Variants in FREM1 observed in about 807,000 individuals in gnomAD.
The protein encoded by FREM1 is FRAS1 related extracellular matrix 1.
Under a neutral mutation model 210.1 loss-of-function variants are expected in FREM1, and 220 were observed. The ratio of observed to expected loss-of-function variants is 1.05; its 90% CI spans 0.94 to 1.17. The LOEUF (loss-of-function observed/expected upper bound fraction) is 1.17. Among genes scored for constraint, FREM1 ranks in the 50% most tolerant of loss-of-function variants. The pLI is 0.00. For synonymous variants in FREM1, 1,189 were observed against 980.2 expected, an observed-to-expected ratio of 1.21 and a Z score of -3.98; for missense variants, 3,454 against 2,675.5, an observed-to-expected ratio of 1.29 and a Z score of -6.42.
chr9:14,746,485 T>C lies in FREM1; in HGVS notation c.6139-17A>G, dbSNP rs1055678422. 1.0e-5 allele frequency: 16 copies of C among 1,581,780 alleles called. No homozygotes were observed. Among genetic ancestry groups the C allele is most frequent in the Non-Finnish European group, 1.4e-5 (16 of 1,150,674 alleles). On this transcript the variant is annotated splice_polypyrimidine_tract_variant and intron_variant, in intron 34 of 36. Transcript: ENST00000380880. ...TTCCACATCCTGAAAAACAGTTGTC[T>C]GTGTTCATATCATAATGGTCTTTAC...
At chr9:14,860,852 C>A (rs1164448363) in intron 3 of FREM1, among the ~76,000 whole-genome samples, 1 of 83,754 alleles carries the variant, frequency 1.2e-5, no homozygotes, top group Non-Finnish European at 2.0e-5. Flanking sequence ...TACATATATA[C>A]GTATATATAC....
chr9:14,738,117 A>G (rs1840734122), intron 36 of FREM1, among the ~76,000 whole-genome samples: 1 of 152,202 alleles, frequency 6.6e-6, no homozygotes, highest in African/African-American at 2.4e-5. Context: ...AAGATGTTTC[A>G]ATCTGCTACA....
intron 20 of FREM1, among the ~76,000 whole-genome samples, chr9:14,799,287 A>C (rs1196436763): frequency 7.0e-6 from 1 of 142,384 alleles, no homozygotes; most frequent in Non-Finnish European, 1.5e-5. Context: ...CCCTGTCTCC[A>C]AAAAAAAAAA....
At chr9:14,907,768 C>T (rs1046816044) in intron 1 of FREM1, among the ~76,000 whole-genome samples, 1 of 152,196 alleles carries the variant, frequency 6.6e-6, no homozygotes, top group Non-Finnish European at 1.5e-5. Context: ...AGAGTAAATG[C>T]TGAAAAGCTC....
chr9:14,806,866 CA>C lies in FREM1; in HGVS notation c.3089-21del. 2 of 1,511,542 alleles carry C rather than the reference CA, an allele frequency of 1.3e-6. No homozygotes were observed. The highest frequency in any genetic ancestry group is 1.8e-6 in the Non-Finnish European group (2 of 1,106,682). The allele number at this position is 1,511,542 out of a possible 1,614,324, so 93.6% of individuals were successfully genotyped here. A position where few individuals can be genotyped will look rare whatever the true frequency, so the allele number is the denominator to read the frequency against. On this transcript the variant is annotated intron_variant, in intron 17 of 36. Transcript: ENST00000380880. ...CGGGACCTGCATACAAATAAAAACA[CA>C]ATTACAACTTAGCATGAAATCCTCT...
chr9:14,762,574 A>C (rs1845689880), intron 27 of FREM1, among the ~76,000 whole-genome samples: 1 of 152,130 alleles, frequency 6.6e-6, no homozygotes, highest in South Asian at 2.1e-4. Context: ...TAACGTTTAT[A>C]GGTCAAGGTG....
rs200228317 is a variant in FREM1, at chr9:14,886,089, C to T, written c.-267-16845G>A. ...TTAGGTCTTACAAGTACCCTAAAGT[C>T]ATTTAAGAAATAAACTGCTGTGTGC... On this transcript the variant is annotated intron_variant, in intron 1 of 36. Transcript: ENST00000380880. 2.0e-5 allele frequency among the ~76,000 whole-genome samples: 3 copies of T among 152,184 alleles called. No homozygotes were observed. The East Asian group carries it at 5.8e-4, about 29-fold the overall frequency.
In FREM1 at chr9:14,848,739, C is replaced by G. The variant is rs1827131584; in HGVS notation, c.1187G>C (p.Arg396Thr). 1 of 1,612,804 alleles carries G rather than the reference C, an allele frequency of 6.2e-7. No homozygotes were observed. The highest frequency in any genetic ancestry group is 8.5e-7 in the Non-Finnish European group (1 of 1,179,072). The change falls in exon 7 of 37, where the codon AGG becomes ACG. Residue 396 changes from arginine to threonine, a missense_variant. Physicochemically the swap from Arg to Thr is moderately conservative, Grantham distance 71. Coordinates refer to ENST00000380880, the MANE Select transcript of FREM1 (RefSeq NM_001379081.2). ...GATGTGGACTGTCATAGGTGCACTC[C>G]TTTCAAAGAAGAAGTCGTATACCTC... ...ELEVYDFFFE[R>T]SAPMTVHISI...
chr9:14,742,622 C>A (rs1841772474), intron 35 of FREM1, among the ~76,000 whole-genome samples: 1 of 152,074 alleles, frequency 6.6e-6, no homozygotes, highest in Non-Finnish European at 1.5e-5. Flanking sequence ...CTGTAAAGGA[C>A]TTTCAGAAAT....
At chr9:14,787,775 C>T (rs1850643443) in intron 23 of FREM1, among the ~76,000 whole-genome samples, 1 of 152,108 alleles carries the variant, frequency 6.6e-6, no homozygotes, top group African/African-American at 2.4e-5. Flanking sequence ...GTTGTCTGCC[C>T]TAATATATTA....
chr9:14,797,484 T>C lies in FREM1; in HGVS notation c.3839+14A>G. On this transcript the variant is annotated intron_variant, in intron 21 of 36. Coordinates refer to ENST00000380880, the MANE Select transcript of FREM1 (RefSeq NM_001379081.2). ...GTATAGAAATCTGAAAGGGACTCTT[T>C]TCAGGTAGCTTACTTGCTCAGCATT... is the stretch of plus-strand genomic sequence containing the variant. 6.3e-7 allele frequency: 1 copy of C among 1,598,358 alleles called. No homozygotes were observed. Among genetic ancestry groups the C allele is most frequent in the Non-Finnish European group, 8.5e-7 (1 of 1,171,078 alleles).
chr9:14,787,014 T>C (rs577593773), intron 23 of FREM1, among the ~76,000 whole-genome samples: 1 of 152,296 alleles, frequency 6.6e-6, no homozygotes, highest in African/African-American at 2.4e-5. Context: ...TAGAGTCAAC[T>C]ATAGACAATG....
At chr9:14,901,501 G>C (rs987075826) in intron 1 of FREM1, among the ~76,000 whole-genome samples, 1 of 151,976 alleles carries the variant, frequency 6.6e-6, no homozygotes, top group African/African-American at 2.4e-5. Context: ...GGGATAAACA[G>C]TCTGGCTTTT....
intron 1 of FREM1, among the ~76,000 whole-genome samples, chr9:14,875,295 A>C (rs1423522232): frequency 6.6e-6 from 1 of 152,064 alleles, no homozygotes; most frequent in Non-Finnish European, 1.5e-5. Context: ...CCCATCACTC[A>C]TCACTTTCAG....
At chr9:14,744,441 T>G (rs1031535605) in intron 35 of FREM1, among the ~76,000 whole-genome samples, 1 of 152,102 alleles carries the variant, frequency 6.6e-6, no homozygotes, top group Non-Finnish European at 1.5e-5. Flanking sequence ...ATTTTTTATT[T>G]CTAACAACAT....
chr9:14,868,715 C>A, intron 2 of FREM1, 29 bp downstream of exon 2: 2 of 1,419,652 alleles, frequency 1.4e-6, no homozygotes, highest in Non-Finnish European at 2.0e-6. Context: ...ATACACACGA[C>A]TGAACAGAAA....
chr9:14,892,008 T>C (rs1238571861), intron 1 of FREM1, among the ~76,000 whole-genome samples: 1 of 152,196 alleles, frequency 6.6e-6, no homozygotes, highest in African/African-American at 2.4e-5. Flanking sequence ...ACTTTCTTAA[T>C]TAACTTGCTT....
intron 4 of FREM1, among the ~76,000 whole-genome samples, chr9:14,858,117 A>C (rs1829125427): frequency 6.6e-6 from 1 of 152,118 alleles, no homozygotes; most frequent in South Asian, 2.1e-4. Flanking sequence ...TCTCTATCAT[A>C]CAATCTCTAC....
At chr9:14,896,374 T>C (rs1267976162) in intron 1 of FREM1, among the ~76,000 whole-genome samples, 1 of 151,858 alleles carries the variant, frequency 6.6e-6, no homozygotes, top group African/African-American at 2.4e-5. Flanking sequence ...TGAAACTCCA[T>C]CTCTACTAAA....
Sources: allele counts gnomAD v4.1 joint callset (sites outside exome capture counted in the v4.1 genomes callset), GRCh38; gene constraint gnomAD v4.1.1; transcripts MANE v1.5; gene names NCBI Gene and HGNC (gene_info 2026-07-23, HGNC 2026-07-21).